The following LRP6 variants were observed in gnomAD, a reference collection of about 807,000 sequenced individuals.
LRP6 encodes low-density lipoprotein receptor-related protein 6.
LRP6 carries 43 observed loss-of-function variants against 184.1 expected under a neutral mutation model. The ratio of observed to expected loss-of-function variants is 0.23; its 90% CI spans 0.18 to 0.30. The LOEUF (loss-of-function observed/expected upper bound fraction) is 0.30. Ranked by LOEUF, LRP6 falls within the 10% of genes least tolerant of loss-of-function variation. The probability of loss-of-function intolerance (pLI) is 1.00; values close to 1 mark genes in which losing one functional copy is unlikely to be tolerated. For synonymous variants in LRP6, 719 were observed against 684.9 expected (o/e 1.05, Z -0.78); for missense variants, 1,571 against 2,005.3 (o/e 0.78, Z 4.14).
chr12:12,262,267 T>A (rs865909447), intron 1 of LRP6, among the ~76,000 whole-genome samples: 1 of 152,136 alleles, frequency 6.6e-6, no homozygotes. Flanking sequence ...TGGTCCCAGC[T>A]ACTCAGGAGG....
intron 1 of LRP6, among the ~76,000 whole-genome samples, chr12:12,255,453 T>C (rs1470462731): frequency 6.6e-6 from 1 of 152,110 alleles, no homozygotes. Context: ...CGGTTTGATT[T>C]TGAAGTGTGT....
In LRP6 at chr12:12,203,208, T is replaced by G. The variant is rs1423775238; in HGVS notation, c.642A>C (p.Thr214=). ...TCTAATTCTTGTAATCTTACCGATT[T>G]GTTCCATCCAGATTTGATTTGTGGA... ...NFIHKSNLDG[T]NRQAVVKGSL... The change falls in exon 3 of 23, where the codon ACA becomes ACC. Residue 214 remains threonine (T), a synonymous_variant. Coordinates refer to ENST00000261349, the MANE Select transcript of LRP6 (RefSeq NM_002336.3). The G allele has an allele frequency of 6.2e-7, 1 of 1,603,768 alleles. No individual in the cohort carries two copies. Among genetic ancestry groups the G allele is most frequent in the East Asian group, 2.2e-5 (1 of 44,770 alleles).
chr12:12,169,129 T>C (rs1591908954), intron 7 of LRP6, among the ~76,000 whole-genome samples: 1 of 151,672 alleles, frequency 6.6e-6, no homozygotes, highest in Admixed American at 6.6e-5. Flanking sequence ...CTTGGGAGGG[T>C]GAGGCAGGAA....
At chr12:12,193,016 A>G (rs1863657433) in intron 3 of LRP6, among the ~76,000 whole-genome samples, 2 of 152,140 alleles carry the variant, frequency 1.3e-5, no homozygotes, top group Middle Eastern at 3.4e-3. Context: ...CATATAAAAT[A>G]AAAAGACTGA....
At chr12:12,256,266 AATATTT>A (rs1407424531) in intron 1 of LRP6, among the ~76,000 whole-genome samples, 1 of 152,202 alleles carries the variant, frequency 6.6e-6, no homozygotes, top group East Asian at 1.9e-4. Context: ...AGGAACTTAA[AATATTT>A]TTTAGGCCAG....
At chr12:12,195,137 TA>T (rs2137023136) in intron 3 of LRP6, among the ~76,000 whole-genome samples, 1 of 152,286 alleles carries the variant, frequency 6.6e-6, no homozygotes, top group East Asian at 1.9e-4. Context: ...ACATCTTGGC[TA>T]CTGTAAATAG....
chr12:12,217,122 A>T (rs1475547313), intron 2 of LRP6, among the ~76,000 whole-genome samples: 1 of 152,210 alleles, frequency 6.6e-6, no homozygotes, highest in Non-Finnish European at 1.5e-5. Context: ...ACACAGCAGG[A>T]GGTGAGCAAC....
rs375756902 is a variant in LRP6, at chr12:12,159,103, A to G, written c.2517T>C (p.Thr839=). The G allele has an allele frequency of 4.3e-6, 7 of 1,614,036 alleles. No individual in the cohort carries two copies. Among genetic ancestry groups the G allele is most frequent in the African/African-American group, 4.0e-5 (3 of 74,912 alleles). The change falls in exon 12 of 23, where the codon ACT becomes ACC. Residue 839 remains threonine (T), a synonymous_variant. Transcript: ENST00000261349. The stretch of plus-strand genomic sequence containing the variant: ...TCCAGTAGATATAATCTTGGTACTG[A>G]GTTAAGCCAAAAGGATGAGGCAAGT... ...ADDLPHPFGL[T]QYQDYIYWTD... is the part of the protein sequence containing the mutation.
chr12:12,145,513 C>CCCCT (rs565480325), intron 15 of LRP6, among the ~76,000 whole-genome samples: 12 of 143,756 alleles, frequency 8.3e-5, no homozygotes, highest in South Asian at 2.5e-4. Flanking sequence ...TCTCCTCTCT[C>CCCCT]CCCTCCCTCC....
At chr12:12,163,551 G>T (rs1862793611) in intron 9 of LRP6, among the ~76,000 whole-genome samples, 1 of 152,120 alleles carries the variant, frequency 6.6e-6, no homozygotes, top group South Asian at 2.1e-4. Context: ...AACTATTCTA[G>T]GAAGAAGAAA....
chr12:12,217,689 T>C (rs1010732815), intron 2 of LRP6, among the ~76,000 whole-genome samples: 7 of 152,000 alleles, frequency 4.6e-5, no homozygotes, highest in Non-Finnish European at 8.8e-5. Context: ...AGGACAGACA[T>C]CTAGATAAAT....
intron 1 of LRP6, among the ~76,000 whole-genome samples, chr12:12,259,150 C>T (rs1206173871): frequency 2.6e-5 from 4 of 151,568 alleles, no homozygotes; most frequent in African/African-American, 9.7e-5. Flanking sequence ...CTAATCCCAG[C>T]TACTTGGGAG....
At chr12:12,132,200 C>T (rs1591868683) in intron 17 of LRP6, 143 bp from the exon 18 acceptor site, 1 of 691,954 alleles carries the variant, frequency 1.4e-6, no homozygotes, top group East Asian at 2.7e-5. Context: ...ACTATCTCAT[C>T]TATTCAAAGA....
In LRP6 at chr12:12,233,770, T is replaced by C. The variant is rs538195948; in HGVS notation, c.449+10492A>G. On this transcript the variant is annotated intron_variant, in intron 2 of 22. Coordinates refer to ENST00000261349, the MANE Select transcript of LRP6 (RefSeq NM_002336.3). ...GTGAAAGACAGTGGCATTATGATTC[T>C]AGAAAAAATATTTTTTAGAGATGGA... is the stretch of plus-strand genomic sequence containing the variant. Among the ~76,000 whole-genome samples, 59 of 152,266 alleles carry C rather than the reference T, an allele frequency of 3.9e-4. 1 individual carries two copies. The highest frequency in any genetic ancestry group is 3.4e-4 in the Non-Finnish European group (23 of 68,014).
Position 12,121,136 on chromosome 12 carries a change from T to C in LRP6, c.4832A>G (p.Asp1611Gly). ...LYPPPPSPCT[D>G]SS is the part of the protein sequence containing the mutation. The stretch of plus-strand genomic sequence containing the variant: ...GAGGAGGGCCCCTCCTCAGGAGGAG[T>C]CTGTACAGGGAGAGGGTGGCGGTGG... Residue 1611 changes from aspartate to glycine, a missense_variant, in exon 23 of 23, where the codon GAC (aspartate) becomes GGC (glycine). This residue lies in a region of LRP6 where 763 missense variants were observed against 859.5 expected (regional missense o/e 0.89). Transcript: ENST00000261349. The C allele has an allele frequency of 6.2e-7, 1 of 1,605,466 alleles. No homozygotes were observed. Among genetic ancestry groups the C allele is most frequent in the Non-Finnish European group, 8.5e-7 (1 of 1,174,716 alleles).
At chr12:12,254,635 T>C (rs1457489452) in intron 1 of LRP6, among the ~76,000 whole-genome samples, 2 of 152,218 alleles carry the variant, frequency 1.3e-5, no homozygotes, top group Admixed American at 6.5e-5. Flanking sequence ...CTGGAAACAT[T>C]ACTTATGCAA....
chr12:12,170,624 A>C (rs1256359438), intron 7 of LRP6, among the ~76,000 whole-genome samples: 6 of 152,094 alleles, frequency 3.9e-5, no homozygotes, highest in African/African-American at 1.2e-4. Context: ...TAATAAAATT[A>C]ATTGGTTCCT....
chr12:12,250,233 C>T (rs1177718053), intron 1 of LRP6, among the ~76,000 whole-genome samples: 1 of 152,156 alleles, frequency 6.6e-6, no homozygotes, highest in Non-Finnish European at 1.5e-5. Context: ...ATGACTTCTA[C>T]CTAGGACTCT....
rs921200773 is a variant in LRP6, at chr12:12,160,762, T to G, written c.2280-798A>C. ...ACTTATCTAATGTCTTCAAGCCAGT[T>G]AGATGACAGAGCTAGAACTAGAACC... is the stretch of plus-strand genomic sequence containing the variant. On this transcript the variant is annotated intron_variant, in intron 10 of 22. Coordinates refer to ENST00000261349, the MANE Select transcript of LRP6 (RefSeq NM_002336.3). 2.6e-5 allele frequency among the ~76,000 whole-genome samples: 4 copies of G among 152,244 alleles called. No individual in the cohort carries two copies. In the South Asian group the frequency reaches 8.3e-4, roughly 32 times the overall value.
Sources: gnomAD v4.1 joint callset for allele counts (sites outside exome capture counted in the v4.1 genomes callset) on GRCh38, gnomAD v4.1.1 for gene constraint, gnomAD v4.1.1 regional missense constraint, MANE v1.5 for transcripts, NCBI Gene and HGNC (gene_info 2026-07-23, HGNC 2026-07-21) for gene names.